SGMS2: variants seen among roughly 807,000 people sequenced by gnomAD.
SGMS2 encodes phosphatidylcholine:ceramide cholinephosphotransferase 2.
Under a neutral mutation model 43.8 loss-of-function variants are expected in SGMS2, and 21 were observed. That is an observed-to-expected ratio of 0.48 (90% confidence interval 0.34 to 0.69). The LOEUF is 0.69. Among genes scored for constraint, SGMS2 ranks in the 30% least tolerant of loss-of-function variants. The pLI, the probability that SGMS2 is intolerant of heterozygous loss-of-function variation, is 0.01. For missense variants in SGMS2, 384 were observed against 443.2 expected (o/e 0.87, Z 1.20); for synonymous variants, 167 against 160.6 (o/e 1.04, Z -0.30).
chr4:107,884,850 A>T (rs1729624869), intron 2 of SGMS2, among the ~76,000 whole-genome samples: 1 of 152,192 alleles, frequency 6.6e-6, no homozygotes, highest in South Asian at 2.1e-4. Context: ...AGCACATGTC[A>T]TCAAGACCTC....
At position 107,901,261 on chromosome 4, in the gene SGMS2, TG is replaced by T. The variant is rs1312742270; in HGVS notation, c.573+1571del. On this transcript the variant is annotated intron_variant, in intron 4 of 6. Coordinates refer to ENST00000690982, the MANE Select transcript of SGMS2 (RefSeq NM_001375905.1). ...AAGCAAGCCATATATGCCTGAATCA[TG>T]GTTCAGTAAAACAAACACAAATCAC... 2.0e-5 allele frequency among the ~76,000 whole-genome samples: 3 copies of T among 152,174 alleles called. No homozygotes were observed. The South Asian group carries it at 6.2e-4, about 31-fold the overall frequency.
chr4:107,891,593 G>A (rs1426884442), intron 2 of SGMS2, among the ~76,000 whole-genome samples: 1 of 152,122 alleles, frequency 6.6e-6, no homozygotes, highest in Admixed American at 6.6e-5. Flanking sequence ...AGGATTAATA[G>A]GCAAAAGGAA....
At chr4:107,908,484 C>A in intron 5 of SGMS2, 81 bp from the exon 6 acceptor site, 1 of 1,386,660 alleles carries the variant, frequency 7.2e-7, no homozygotes, top group Non-Finnish European at 9.9e-7. Flanking sequence ...GGTTATTCTA[C>A]TTAAGGTCGT....
chr4:107,849,521 T>C (rs576859913), intron 1 of SGMS2, among the ~76,000 whole-genome samples: 1 of 152,318 alleles, frequency 6.6e-6, no homozygotes, highest in East Asian at 1.9e-4. Flanking sequence ...TCTTTATTTT[T>C]CTCCTTCAAC....
chr4:107,877,603 A>G (rs1336619248), intron 2 of SGMS2, among the ~76,000 whole-genome samples: 1 of 152,204 alleles, frequency 6.6e-6, no homozygotes, highest in Non-Finnish European at 1.5e-5. Flanking sequence ...GTTGTATGAA[A>G]TGTTTCTAGT....
At chr4:107,837,773 G>A (rs1726275578) in intron 1 of SGMS2, among the ~76,000 whole-genome samples, 1 of 152,180 alleles carries the variant, frequency 6.6e-6, no homozygotes, top group Non-Finnish European at 1.5e-5. Flanking sequence ...TTGGAGAAGG[G>A]TGGTGGTGGT....
intron 1 of SGMS2, among the ~76,000 whole-genome samples, chr4:107,826,109 G>A (rs1159709118): frequency 1.3e-5 from 2 of 152,150 alleles, no homozygotes; most frequent in African/African-American, 4.8e-5. Flanking sequence ...AGTAAAATGG[G>A]ATTATAGCTA....
At position 107,866,711 on chromosome 4, in the gene SGMS2, C is replaced by T. The variant is rs1728152624; in HGVS notation, c.-245+8158C>T. Among the ~76,000 whole-genome samples, 3 of 152,066 alleles carry T rather than the reference C, an allele frequency of 2.0e-5. No individual in the cohort carries two copies. In the South Asian group the frequency reaches 6.2e-4, roughly 32 times the overall value. ...TTCTTTATCAATAAATTACCTTACC[C>T]TATTTCTTTTCTTTCTGTGAGACAT... On this transcript the variant is annotated intron_variant, in intron 2 of 6. Coordinates refer to ENST00000690982, the MANE Select transcript of SGMS2 (RefSeq NM_001375905.1).
rs935581798 is a variant in SGMS2 at position 107,869,597 on chromosome 4, G to A, written c.-245+11044G>A. Among the ~76,000 whole-genome samples the A allele has an allele frequency of 3.2e-4, 48 of 152,096 alleles. 3 individuals carry two copies. On this transcript the variant is annotated intron_variant, in intron 2 of 6. Transcript: ENST00000690982. ...TGAGAACAAGTAATTGGATAAAGGT[G>A]ACCTGACTAGGTATTTGTTTTTTTA...
chr4:107,867,558 G>A (rs1296767232), intron 2 of SGMS2: 1 of 152,180 alleles, frequency 6.6e-6, no homozygotes. Context: ...ACAGCCTGCC[G>A]AGTCAGAGCT....
intron 2 of SGMS2, among the ~76,000 whole-genome samples, chr4:107,881,315 G>T (rs947253828): frequency 6.6e-6 from 1 of 151,964 alleles, no homozygotes; most frequent in Admixed American, 6.6e-5. Flanking sequence ...TGATGCTATT[G>T]TTGATCTTTT....
At position 107,851,321 on chromosome 4, in the gene SGMS2, G is replaced by T. The variant is rs1727129437; in HGVS notation, c.-326-7151G>T. On this transcript the variant is annotated intron_variant, in intron 1 of 6. Coordinates refer to ENST00000690982, the MANE Select transcript of SGMS2 (RefSeq NM_001375905.1). ...GAAGCAAACCGCTGATAACTACAGAGGAGGCTAGAGTAAGCAACCTCTTAG... is the reference window on the plus strand; with the variant it reads ...GAAGCAAACCGCTGATAACTACAGATGAGGCTAGAGTAAGCAACCTCTTAG... Among the ~76,000 whole-genome samples, 2 of 152,138 alleles carry T rather than the reference G, an allele frequency of 1.3e-5. 1 individual carries two copies. Among genetic ancestry groups the T allele is most frequent in the South Asian group, 4.1e-4 (2 of 4,822 alleles).
intron 1 of SGMS2, among the ~76,000 whole-genome samples, chr4:107,858,151 T>C (rs17038127): frequency 0.053 from 8,056 of 152,178 alleles, 738 homozygotes; most frequent in African/African-American, 0.18. Context: ...GGTCTTCTTG[T>C]TTATCTGTGT....
At chr4:107,882,210 A>G (rs1468394098) in intron 2 of SGMS2, among the ~76,000 whole-genome samples, 1 of 152,184 alleles carries the variant, frequency 6.6e-6, no homozygotes, top group Non-Finnish European at 1.5e-5. Flanking sequence ...TGGCTTTACT[A>G]ACTAACATTC....
intron 2 of SGMS2, chr4:107,893,707 C>T (rs1730432520): frequency 6.6e-6 from 1 of 152,244 alleles, no homozygotes; most frequent in African/African-American, 2.4e-5. Context: ...GTCTCATGCT[C>T]CCTTATCCCC....
At chr4:107,906,834 GAA>G (rs1398475742) in intron 5 of SGMS2, among the ~76,000 whole-genome samples, 1 of 152,186 alleles carries the variant, frequency 6.6e-6, no homozygotes, top group Non-Finnish European at 1.5e-5. Context: ...TGCTTCTTGT[GAA>G]TAAACAAATG....
At chr4:107,849,484 C>A (rs1025246961) in intron 1 of SGMS2, among the ~76,000 whole-genome samples, 1 of 152,148 alleles carries the variant, frequency 6.6e-6, no homozygotes, top group Non-Finnish European at 1.5e-5. Context: ...AAAGTCAGAA[C>A]AAATTTGAGA....
intron 1 of SGMS2, among the ~76,000 whole-genome samples, chr4:107,829,291 A>G (rs966469748): frequency 1.3e-5 from 2 of 152,144 alleles, no homozygotes; most frequent in Non-Finnish European, 2.9e-5. Context: ...CAAGTTTTAC[A>G]ATAATATCAC....
Position 107,911,812 on chromosome 4 carries a change from A to T in SGMS2, c.*1259A>T, listed in dbSNP as rs1009076724. 1.3e-5 allele frequency: 2 copies of T among 152,208 alleles called. No homozygotes were observed. The highest frequency in any genetic ancestry group is 4.8e-5 in the African/African-American group (2 of 41,464). The allele number at this position is 152,208 out of a possible 1,614,324, so 9.4% of individuals were successfully genotyped here. On this transcript the variant is annotated 3_prime_UTR_variant, in exon 7 of 7. Coordinates refer to ENST00000690982, the MANE Select transcript of SGMS2 (RefSeq NM_001375905.1). The stretch of plus-strand genomic sequence containing the variant: ...TTAAGGTGATGCCAAAAAATGGATT[A>T]AAAAATCTGATCAGATTTAATGTTA...
Sources: allele counts gnomAD v4.1 joint callset (sites outside exome capture counted in the v4.1 genomes callset), GRCh38; gene constraint gnomAD v4.1.1; transcripts MANE v1.5; gene names NCBI Gene and HGNC (gene_info 2026-07-23, HGNC 2026-07-21).